Variants in UEVLD observed in about 807,000 individuals in gnomAD.
UEVLD encodes the protein UEV and lactate/malate dehyrogenase domains.
A neutral mutation model predicts 58.6 loss-of-function variants in UEVLD; 47 were observed. The ratio of observed to expected loss-of-function variants is 0.80; its 90% CI spans 0.63 to 1.02. The LOEUF is 1.02. Among genes scored for constraint, UEVLD ranks in the 50% least tolerant of loss-of-function variants. UEVLD has a pLI of 0.00. For synonymous variants in UEVLD, 197 were observed against 195.3 expected, an observed-to-expected ratio of 1.01 and a Z score of -0.07; for missense variants, 510 against 550.6, an observed-to-expected ratio of 0.93 and a Z score of 0.74.
rs774954272 is a variant in UEVLD at position 18,564,916 on chromosome 11, G to GAAATT, written c.587_588insAATTT (p.Cys197IlefsTer5). 1 of 1,613,084 alleles carries GAAATT rather than the reference G, an allele frequency of 6.2e-7. No individual in the cohort carries two copies. Among genetic ancestry groups the GAAATT allele is most frequent in the Admixed American group, 1.7e-5 (1 of 59,996 alleles). On this transcript the variant is annotated frameshift_variant, in exon 6 of 12. Transcript: ENST00000396197. LOFTEE classifies it high-confidence loss of function. ...CCTTTGCTGAAATTGCTAATGTGCA[G>GAAATT]GCAATACCGAGTTCTCCACCTCCAA...
chr11:18,555,524 G>T (rs756932650), intron 7 of UEVLD, among the ~76,000 whole-genome samples: 1 of 152,028 alleles, frequency 6.6e-6, no homozygotes, highest in Non-Finnish European at 1.5e-5. Context: ...GTAGATCCAG[G>T]CTTCGGTGAG....
At position 18,579,548 on chromosome 11, in the gene UEVLD, C is replaced by G. The variant is rs545921292; in HGVS notation, c.43-740G>C. 3.1e-6 allele frequency: 3 copies of G among 954,052 alleles called. No individual in the cohort carries two copies. The East Asian group carries it at 3.5e-4, about 110-fold the overall frequency. 59.1% of individuals were successfully genotyped at this position (954,052 alleles called of 1,614,324 possible). ...TACCTCGACTTTCCCCTCCCACCTT[C>G]CTGGCACTGCATCCTGGGTTTCAAA... is the stretch of plus-strand genomic sequence containing the variant. On this transcript the variant is annotated intron_variant, in intron 1 of 11. Coordinates refer to ENST00000396197, the MANE Select transcript of UEVLD (RefSeq NM_001040697.4).
At chr11:18,561,259 T>C (rs1852016773) in intron 6 of UEVLD, among the ~76,000 whole-genome samples, 1 of 152,306 alleles carries the variant, frequency 6.6e-6, no homozygotes, top group East Asian at 1.9e-4. Flanking sequence ...ATTTGTAAAA[T>C]GTCAGTAATA....
In UEVLD at chr11:18,563,103, C is replaced by CAAAA. The variant is rs111514140; in HGVS notation, c.612+1785_612+1788dup. On this transcript the variant is annotated intron_variant, in intron 6 of 11. Coordinates refer to ENST00000396197, the MANE Select transcript of UEVLD (RefSeq NM_001040697.4). ...CTTTCAGATGCCTTCTTGTGCTTAC[C>CAAAA]AAAAAAAAAAAAAGACAAATAATTA... 6.2e-3 allele frequency among the ~76,000 whole-genome samples: 738 copies of CAAAA among 119,920 alleles called. 8 individuals carry two copies. The highest frequency in any genetic ancestry group is 0.021 in the African/African-American group (709 of 33,492). 78.7% of individuals were successfully genotyped at this position (119,920 alleles called of 152,430 possible). A position where few individuals can be genotyped will look rare whatever the true frequency, so the allele number is the denominator to read the frequency against.
chr11:18,547,669 G>A (rs1851358784), intron 7 of UEVLD, among the ~76,000 whole-genome samples: 1 of 152,074 alleles, frequency 6.6e-6, no homozygotes, highest in South Asian at 2.1e-4. Flanking sequence ...TATGCTATAG[G>A]CAAAATGAAC....
intron 8 of UEVLD, 58 bp from the exon 9 acceptor site, chr11:18,544,854 T>C (rs1470457940): frequency 7.7e-7 from 1 of 1,291,822 alleles, no homozygotes; most frequent in African/African-American, 1.6e-5. Context: ...ACTTCTAGCC[T>C]AGCTCACAAA....
intron 3 of UEVLD, among the ~76,000 whole-genome samples, chr11:18,570,931 C>T (rs1852574145): frequency 8.4e-6 from 1 of 118,448 alleles, no homozygotes; most frequent in African/African-American, 4.1e-5. Context: ...ATCATCCACC[C>T]TGCCTCTCAA....
chr11:18,543,993 A>G (rs1375844728), intron 9 of UEVLD, among the ~76,000 whole-genome samples: 1 of 152,236 alleles, frequency 6.6e-6, no homozygotes, highest in Non-Finnish European at 1.5e-5. Flanking sequence ...GGAAGAGTAA[A>G]GGAAAGAGTT....
intron 1 of UEVLD, among the ~76,000 whole-genome samples, chr11:18,587,305 G>A (rs1565149495): frequency 6.6e-6 from 1 of 152,130 alleles, no homozygotes; most frequent in Non-Finnish European, 1.5e-5. Flanking sequence ...GACAGAAAGG[G>A]TAGCATTATG....
intron 7 of UEVLD, among the ~76,000 whole-genome samples, chr11:18,556,903 G>T (rs1440087489): frequency 3.3e-5 from 5 of 151,818 alleles, no homozygotes; most frequent in Non-Finnish European, 4.4e-5. Context: ...GACCAGCCTG[G>T]GCAATAAGGC....
rs1170024914 is a variant in UEVLD, at chr11:18,531,326, T to C, written c.*994A>G. 2 of 152,192 alleles carry C rather than the reference T, an allele frequency of 1.3e-5. No individual in the cohort carries two copies. Among genetic ancestry groups the C allele is most frequent in the African/African-American group, 4.8e-5 (2 of 41,454 alleles). The allele number at this position is 152,192 out of a possible 1,614,324, so 9.4% of individuals were successfully genotyped here. ...TGCTTATCATGCTGCCTGGTATATA[T>C]GAAGTGTTGATGTTAACTGTTACTA... On this transcript the variant is annotated 3_prime_UTR_variant, in exon 12 of 12. Transcript: ENST00000396197.
chr11:18,541,658 T>C (rs1028667307), intron 9 of UEVLD, among the ~76,000 whole-genome samples: 8 of 152,158 alleles, frequency 5.3e-5, no homozygotes, highest in African/African-American at 1.9e-4. Context: ...CCTTATAGAT[T>C]GAAATAGCTT....
At chr11:18,563,959 T>C in intron 6 of UEVLD, 1 of 287,410 alleles carries the variant, frequency 3.5e-6, no homozygotes, top group South Asian at 3.3e-5. Context: ...GAGCCAAGAT[T>C]GTACCACTAC....
At chr11:18,536,600 A>G in intron 9 of UEVLD, 131 bp from the exon 10 acceptor site, 1 of 726,320 alleles carries the variant, frequency 1.4e-6, no homozygotes, top group East Asian at 2.8e-5. Context: ...CTAGCAAGTT[A>G]GATTTTTCCA....
chr11:18,552,971 T>A (rs948982642), intron 7 of UEVLD, among the ~76,000 whole-genome samples: 1 of 149,804 alleles, frequency 6.7e-6, no homozygotes, highest in Non-Finnish European at 1.5e-5. Context: ...CTGGCTAACA[T>A]GGTGAAACCC....
intron 7 of UEVLD, among the ~76,000 whole-genome samples, chr11:18,553,942 G>C (rs1324186502): frequency 6.6e-6 from 1 of 152,080 alleles, no homozygotes; most frequent in East Asian, 1.9e-4. Flanking sequence ...TTGTGAATGA[G>C]TACCTAAAGT....
chr11:18,539,726 A>G (rs1850976158), intron 9 of UEVLD, among the ~76,000 whole-genome samples: 2 of 152,334 alleles, frequency 1.3e-5, no homozygotes, highest in South Asian at 2.1e-4. Flanking sequence ...AGGGAAAGGA[A>G]GCAGCAGTTG....
chr11:18,581,505 G>A (rs1239330189), intron 1 of UEVLD, among the ~76,000 whole-genome samples: 3 of 152,018 alleles, frequency 2.0e-5, no homozygotes, highest in African/African-American at 7.2e-5. Flanking sequence ...CCAACATGGT[G>A]AAATCCCGTC....
intron 10 of UEVLD, among the ~76,000 whole-genome samples, chr11:18,534,768 A>C (rs895780498): frequency 6.6e-6 from 1 of 152,232 alleles, no homozygotes; most frequent in Non-Finnish European, 1.5e-5. Flanking sequence ...AAAAAGACTG[A>C]TAACTAATTT....
Sources: gnomAD v4.1 joint callset for allele counts (sites outside exome capture counted in the v4.1 genomes callset) on GRCh38, gnomAD v4.1.1 for gene constraint, MANE v1.5 for transcripts, NCBI Gene and HGNC (gene_info 2026-07-23, HGNC 2026-07-21) for gene names.